ANKRD12: variants seen among roughly 807,000 people sequenced by gnomAD.
The protein encoded by ANKRD12 is ankyrin repeat domain-containing protein 12.
A neutral mutation model predicts 183.4 loss-of-function variants in ANKRD12; 85 were observed. The ratio of observed to expected loss-of-function variants is 0.46; its 90% CI spans 0.39 to 0.56. The LOEUF (loss-of-function observed/expected upper bound fraction) is 0.56. Ranked by LOEUF, ANKRD12 falls within the 20% of genes least tolerant of loss-of-function variation. The pLI, the probability that ANKRD12 is intolerant of heterozygous loss-of-function variation, is 0.00. For synonymous variants in ANKRD12, 914 were observed against 800.2 expected (o/e 1.14, Z -2.40); for missense variants, 2,405 against 2,357.1 (o/e 1.02, Z -0.42).
At position 9,285,129 on chromosome 18, in the gene ANKRD12, AGCCTGGGAGGC is replaced by A; in HGVS notation, c.*4005_*4015del. 1 of 151,746 alleles carries A rather than the reference AGCCTGGGAGGC, an allele frequency of 6.6e-6. No individual in the cohort carries two copies. The highest frequency in any genetic ancestry group is 2.1e-4 in the South Asian group (1 of 4,818). 9.4% of individuals were successfully genotyped at this position (151,746 alleles called of 1,614,324 possible). A position where few individuals can be genotyped will look rare whatever the true frequency, so the allele number is the denominator to read the frequency against. On this transcript the variant is annotated 3_prime_UTR_variant, in exon 13 of 13. Coordinates refer to ENST00000262126, the MANE Select transcript of ANKRD12 (RefSeq NM_015208.5). ...GAGGCTGAGGCAGGAGAATGGCGTG[AGCCTGGGAGGC>A]GGAGCTTGCAGTGAGCCGAGATCGT... is the stretch of plus-strand genomic sequence containing the variant.
In ANKRD12 at chr18:9,265,348, C is replaced by T. The variant is rs537787086; in HGVS notation, c.5763+1460C>T. On this transcript the variant is annotated intron_variant, in intron 10 of 12. Transcript: ENST00000262126. The stretch of plus-strand genomic sequence containing the variant: ...CCTTCTCAAGTGGGTCCCTGACCCC[C>T]GAGTAGCCTAACTGGGAGGCACCCC... Among the ~76,000 whole-genome samples, 28 of 152,292 alleles carry T rather than the reference C, an allele frequency of 1.8e-4. 1 individual carries two copies. Among genetic ancestry groups the T allele is most frequent in the African/African-American group, 4.6e-4 (19 of 41,574 alleles).
At chr18:9,181,182 TC>T (rs1258134869) in intron 1 of ANKRD12, among the ~76,000 whole-genome samples, 1 of 152,208 alleles carries the variant, frequency 6.6e-6, no homozygotes, top group Admixed American at 6.5e-5. Context: ...GAACCATTTT[TC>T]TTTGGTAGTT....
intron 1 of ANKRD12, among the ~76,000 whole-genome samples, chr18:9,171,409 C>T (rs942661840): frequency 6.6e-6 from 1 of 152,104 alleles, no homozygotes; most frequent in African/African-American, 2.4e-5. Flanking sequence ...TTAATTGGGG[C>T]ATTTAGCTCA....
intron 8 of ANKRD12, among the ~76,000 whole-genome samples, chr18:9,222,413 T>G (rs2036470816): frequency 1.3e-5 from 2 of 152,116 alleles, no homozygotes. Context: ...GATTTTACTT[T>G]TGTGATTTAG....
chr18:9,197,482 T>C (rs954964528), intron 3 of ANKRD12, among the ~76,000 whole-genome samples: 5 of 152,256 alleles, frequency 3.3e-5, no homozygotes, highest in Admixed American at 6.5e-5. Flanking sequence ...CAGTCAAATC[T>C]GTGTATCTTT....
rs1438542583 is a variant in ANKRD12, at chr18:9,216,651, C to G, written c.653-107C>G. 17 of 1,095,252 alleles carry G rather than the reference C, an allele frequency of 1.6e-5. No homozygotes were observed. The Middle Eastern group carries it at 1.3e-3, about 82-fold the overall frequency. The allele number at this position is 1,095,252 out of a possible 1,614,324, so 67.8% of individuals were successfully genotyped here. On this transcript the variant is annotated intron_variant, in intron 6 of 12. Coordinates refer to ENST00000262126, the MANE Select transcript of ANKRD12 (RefSeq NM_015208.5). ...TCTTCATCACTCCTTTTTTTTTGCA[C>G]GATGTGCAGTTTTAGAATTTATATG...
rs144078566 is a variant in ANKRD12, at chr18:9,158,490, A to G, written c.-52+21525A>G. Reference sequence around the variant, plus strand: ...TGAGGTAAGTGTAGGATGCTCCACTATTAGAATTTGTCTTAAGTTTTTCTC... The same window carrying G: ...TGAGGTAAGTGTAGGATGCTCCACTGTTAGAATTTGTCTTAAGTTTTTCTC... On this transcript the variant is annotated intron_variant, in intron 1 of 12. Coordinates refer to ENST00000262126, the MANE Select transcript of ANKRD12 (RefSeq NM_015208.5). 3.5e-3 allele frequency among the ~76,000 whole-genome samples: 528 copies of G among 152,232 alleles called. 3 individuals are homozygous for G. The highest frequency in any genetic ancestry group is 6.3e-3 in the Non-Finnish European group (428 of 68,004).
intron 1 of ANKRD12, among the ~76,000 whole-genome samples, chr18:9,181,123 T>C (rs2033668984): frequency 6.6e-6 from 1 of 152,184 alleles, no homozygotes; most frequent in South Asian, 2.1e-4. Context: ...GTCAAAAAAG[T>C]TTCTTAATTT....
chr18:9,261,395 A>G (rs1249695638), intron 9 of ANKRD12, among the ~76,000 whole-genome samples: 1 of 152,248 alleles, frequency 6.6e-6, no homozygotes, highest in African/African-American at 2.4e-5. Flanking sequence ...CTAAGTGGGT[A>G]CATTTATACA....
At chr18:9,141,614 A>G (rs1163471228) in intron 1 of ANKRD12, among the ~76,000 whole-genome samples, 1 of 152,218 alleles carries the variant, frequency 6.6e-6, no homozygotes, top group Non-Finnish European at 1.5e-5. Flanking sequence ...TGAAAGTTAC[A>G]GGGTGGAAGT....
chr18:9,258,016 T>A lies in ANKRD12; in HGVS notation c.4749T>A (p.Pro1583=). 6.2e-7 allele frequency: 1 copy of A among 1,613,800 alleles called. No individual in the cohort carries two copies. The highest frequency in any genetic ancestry group is 1.3e-5 in the African/African-American group (1 of 75,036). The part of the protein sequence containing the change: ...SPNFEKAYTL[P]VLPSEKDFNG... The stretch of plus-strand genomic sequence containing the variant: ...ACTTTGAGAAAGCTTATACTTTACC[T>A]GTGTTACCATCAGAAAAGGACTTTA... The change falls in exon 9 of 13, where the codon CCT becomes CCA. Residue 1583 remains proline (P), a synonymous_variant. Coordinates refer to ENST00000262126, the MANE Select transcript of ANKRD12 (RefSeq NM_015208.5).
intron 1 of ANKRD12, among the ~76,000 whole-genome samples, chr18:9,147,308 G>C (rs751850501): frequency 1.3e-5 from 2 of 152,152 alleles, no homozygotes; most frequent in Non-Finnish European, 2.9e-5. Flanking sequence ...GTAAAAGTGA[G>C]ATAGGGCACT....
chr18:9,273,904 A>G (rs1375164509), intron 10 of ANKRD12, among the ~76,000 whole-genome samples: 3 of 152,220 alleles, frequency 2.0e-5, no homozygotes, highest in Non-Finnish European at 4.4e-5. Context: ...AAATGTGCAG[A>G]TTTATTTAAG....
At chr18:9,182,045 C>G (rs2033733696) in intron 1 of ANKRD12, among the ~76,000 whole-genome samples, 1 of 152,148 alleles carries the variant, frequency 6.6e-6, no homozygotes, top group Non-Finnish European at 1.5e-5. Flanking sequence ...TCCAAACCAA[C>G]ACAAAACTAC....
intron 5 of ANKRD12, among the ~76,000 whole-genome samples, 182 bp downstream of exon 5, chr18:9,208,985 C>G (rs773990940): frequency 2.5e-4 from 38 of 152,196 alleles, no homozygotes; most frequent in Admixed American, 6.5e-4. Context: ...TCTGTATCCT[C>G]TGCTAAAGTA....
intron 8 of ANKRD12, among the ~76,000 whole-genome samples, chr18:9,243,075 G>A (rs887092104): frequency 1.3e-5 from 2 of 152,116 alleles, no homozygotes; most frequent in African/African-American, 4.8e-5. Flanking sequence ...AATCAGTTTG[G>A]GGATGTGAAA....
rs748215188 is a variant in ANKRD12 at position 9,254,935 on chromosome 18, A to G, written c.1668A>G (p.Thr556=). 1 of 1,591,224 alleles carries G rather than the reference A, an allele frequency of 6.3e-7. No individual in the cohort carries two copies. The highest frequency in any genetic ancestry group is 1.2e-5 in the South Asian group (1 of 85,856). ...HSCGLSEKQS[T]PLKQEHTKTC... ...GTGGATTAAGTGAAAAACAGTCAACACCACTAAAACAAGAACATACTAAAA... is the reference window on the plus strand; with the variant it reads ...GTGGATTAAGTGAAAAACAGTCAACGCCACTAAAACAAGAACATACTAAAA... Residue 556 remains threonine (T), a synonymous_variant, in exon 9 of 13, where the codon ACA becomes ACG. Coordinates refer to ENST00000262126, the MANE Select transcript of ANKRD12 (RefSeq NM_015208.5).
chr18:9,263,663 G>GT, intron 9 of ANKRD12, 127 bp from the exon 10 acceptor site: 1 of 538,808 alleles, frequency 1.9e-6, no homozygotes, highest in Non-Finnish European at 3.0e-6. Flanking sequence ...AACTAGTGCT[G>GT]TATTATTTAA....
intron 1 of ANKRD12, among the ~76,000 whole-genome samples, chr18:9,159,843 C>T (rs1372404049): frequency 1.3e-5 from 2 of 151,550 alleles, no homozygotes; most frequent in Non-Finnish European, 2.9e-5. Flanking sequence ...CTTGCTCTGT[C>T]ACCCAGGCTA....
Sources: allele counts gnomAD v4.1 joint callset (sites outside exome capture counted in the v4.1 genomes callset), GRCh38; gene constraint gnomAD v4.1.1; transcripts MANE v1.5; gene names NCBI Gene and HGNC (gene_info 2026-07-23, HGNC 2026-07-21).